The following DLGAP2 variants were observed in gnomAD, a reference collection of about 807,000 sequenced individuals.
DLGAP2 encodes the protein DLG associated protein 2.
Under a neutral mutation model 100.3 loss-of-function variants are expected in DLGAP2, and 26 were observed. That is an observed-to-expected ratio of 0.26 (90% CI 0.19 to 0.36). The LOEUF (loss-of-function observed/expected upper bound fraction) is 0.36, where lower values mean the gene tolerates loss of function less well. Among genes scored for constraint, DLGAP2 ranks in the 10% least tolerant of loss-of-function variants. The pLI is 1.00. For synonymous variants in DLGAP2, 886 were observed against 630.1 expected (o/e 1.41, Z -6.08); for missense variants, 1,858 against 1,453.2 (o/e 1.28, Z -4.53).
At chr8:1,616,727 A>T (rs1797166111) in intron 6 of DLGAP2, among the ~76,000 whole-genome samples, 2 of 152,218 alleles carry the variant, frequency 1.3e-5, no homozygotes, top group African/African-American at 2.4e-5. Context: ...ATGTATCCAC[A>T]TGTGGCTACT....
At chr8:1,390,838 C>A (rs1488755530) in intron 3 of DLGAP2, among the ~76,000 whole-genome samples, 1 of 152,246 alleles carries the variant, frequency 6.6e-6, no homozygotes, top group African/African-American at 2.4e-5. Flanking sequence ...TGCAAACACA[C>A]TGTGCTGTGT....
intron 3 of DLGAP2, among the ~76,000 whole-genome samples, chr8:1,500,590 G>A (rs2130319222): frequency 6.6e-6 from 1 of 152,384 alleles, no homozygotes; most frequent in Non-Finnish European, 1.5e-5. Flanking sequence ...GCTACGGGAT[G>A]ATGCTCAGTC....
chr8:1,177,347 T>A (rs1008484791), intron 2 of DLGAP2, among the ~76,000 whole-genome samples: 1 of 152,170 alleles, frequency 6.6e-6, no homozygotes, highest in African/African-American at 2.4e-5. Flanking sequence ...TAAGCCTGGC[T>A]GTTTTATCAG....
rs7463888 is a variant in DLGAP2 at position 1,668,509 on chromosome 8, C to T, written c.1991C>T (p.Thr664Met). 6.6e-3 allele frequency: 10,452 copies of T among 1,593,470 alleles called. 52 individuals carry two copies. Among genetic ancestry groups the T allele is most frequent in the South Asian group, 8.9e-3 (784 of 87,672 alleles). Residue 664 changes from threonine (T) to methionine (M), a missense_variant, in exon 9 of 15, where the codon ACG becomes ATG. Thr to Met is a moderately conservative substitution (Grantham distance 81, BLOSUM62 -1). Transcript: ENST00000637795. ...GACAGCCGCGGCCTCTACAACTCCA[C>T]GGACAGCCTGGACAGCAACAAGGCC... ...PQDSRGLYNS[T>M]DSLDSNKAMN...
At chr8:1,437,805 T>TA (rs1415494233) in intron 3 of DLGAP2, among the ~76,000 whole-genome samples, 1 of 19,618 alleles carries the variant, frequency 5.1e-5, no homozygotes, top group Non-Finnish European at 1.1e-4. Flanking sequence ...CCGTCTCTAC[T>TA]AAAAATACAA....
chr8:1,204,014 C>T (rs1797937818), intron 2 of DLGAP2, among the ~76,000 whole-genome samples: 1 of 152,234 alleles, frequency 6.6e-6, no homozygotes, highest in Non-Finnish European at 1.5e-5. Context: ...TAAAGTAGTG[C>T]TCTTGAAACT....
chr8:1,295,689 A>G (rs1340965386), intron 3 of DLGAP2, among the ~76,000 whole-genome samples: 1 of 152,214 alleles, frequency 6.6e-6, no homozygotes, highest in African/African-American at 2.4e-5. Context: ...AAAAACAAAT[A>G]GAAGAAAACC....
At chr8:1,287,131 CGT>C (rs33910191) in intron 3 of DLGAP2, among the ~76,000 whole-genome samples, 39,377 of 136,516 alleles carry the variant, frequency 0.29, 6,261 homozygotes, top group African/African-American at 0.35. Context: ...TTCGGTTCAG[CGT>C]GTGTGTGTGT....
chr8:1,213,997 C>G (rs1252937025), intron 2 of DLGAP2, among the ~76,000 whole-genome samples: 1 of 149,918 alleles, frequency 6.7e-6, no homozygotes, highest in Non-Finnish European at 1.5e-5. Flanking sequence ...GCCCTAGCAT[C>G]CATTCAGAGA....
chr8:1,701,120 G>C, intron 14 of DLGAP2, 68 bp from the exon 15 acceptor site: 2 of 1,454,330 alleles, frequency 1.4e-6, no homozygotes, highest in Non-Finnish European at 1.9e-6. Context: ...CCCCAGGGCC[G>C]CTGAGCTCGC....
chr8:1,371,951 G>A (rs2129710375), intron 3 of DLGAP2, among the ~76,000 whole-genome samples: 1 of 152,352 alleles, frequency 6.6e-6, no homozygotes, highest in East Asian at 1.9e-4. Context: ...AGAGAGCCAG[G>A]GAGAACAGAA....
At chr8:801,772 G>A (rs907532604) in intron 1 of DLGAP2, among the ~76,000 whole-genome samples, 10 of 152,158 alleles carry the variant, frequency 6.6e-5, no homozygotes, top group African/African-American at 2.2e-4. Context: ...ACAATAGGCT[G>A]TTTCTCTCCT....
chr8:869,369 C>T lies in DLGAP2; in HGVS notation c.19-38543C>T, dbSNP rs139369057. Among the ~76,000 whole-genome samples the T allele has an allele frequency of 3.0e-4, 45 of 152,226 alleles. 1 individual carries two copies. The highest frequency in any genetic ancestry group is 1.0e-3 in the African/African-American group (42 of 41,538). On this transcript the variant is annotated intron_variant, in intron 1 of 14. Coordinates refer to ENST00000637795, the MANE Select transcript of DLGAP2 (RefSeq NM_001346810.2). ...CGCCCTCCCTGTCAGATCCTGAATC[C>T]GAGATTTATTTGCAGTTTTGTTTCT...
chr8:1,154,357 G>A (rs548438944), intron 2 of DLGAP2, among the ~76,000 whole-genome samples: 1 of 152,250 alleles, frequency 6.6e-6, no homozygotes, highest in South Asian at 2.1e-4. Context: ...AGATGTGCCA[G>A]TATTTGCCCC....
At chr8:1,659,325 T>G (rs937846903) in intron 8 of DLGAP2, among the ~76,000 whole-genome samples, 2 of 152,178 alleles carry the variant, frequency 1.3e-5, no homozygotes, top group Admixed American at 1.3e-4. Context: ...TCTGCTGATT[T>G]GGGGTAGAGA....
At chr8:1,282,404 C>A (rs1799836236) in intron 3 of DLGAP2, among the ~76,000 whole-genome samples, 1 of 140,234 alleles carries the variant, frequency 7.1e-6, no homozygotes. Flanking sequence ...CGTGGTGTGA[C>A]CTGAACCCAG....
At chr8:1,293,324 C>T (rs1027614805) in intron 3 of DLGAP2, among the ~76,000 whole-genome samples, 6 of 152,142 alleles carry the variant, frequency 3.9e-5, no homozygotes, top group Admixed American at 6.5e-5. Flanking sequence ...GCTGGGCTCC[C>T]GGACGGCTGA....
intron 8 of DLGAP2, among the ~76,000 whole-genome samples, chr8:1,647,774 C>G (rs556048610): frequency 4.0e-4 from 61 of 152,270 alleles, no homozygotes; most frequent in African/African-American, 1.4e-3. Context: ...AGCGTCATAG[C>G]CTGCCTGGCT....
chr8:769,913 G>A (rs1408957793), intron 1 of DLGAP2, among the ~76,000 whole-genome samples: 1 of 152,128 alleles, frequency 6.6e-6, no homozygotes, highest in African/African-American at 2.4e-5. Context: ...GAGCTGACTG[G>A]CTTCAGCAGC....
Sources: gnomAD v4.1 joint callset for allele counts (sites outside exome capture counted in the v4.1 genomes callset) on GRCh38, gnomAD v4.1.1 for gene constraint, MANE v1.5 for transcripts, NCBI Gene and HGNC (gene_info 2026-07-23, HGNC 2026-07-21) for gene names.